Variants in ADGRB3 observed in about 807,000 individuals in gnomAD.
ADGRB3 encodes the protein adhesion G protein-coupled receptor B3, also known as brain-specific angiogenesis inhibitor 3.
Under a neutral mutation model 193.4 loss-of-function variants are expected in ADGRB3, and 37 were observed. The observed-to-expected ratio is 0.19, with a 90% CI of 0.15 to 0.25. The LOEUF is 0.25. Ranked by LOEUF, ADGRB3 falls within the 10% of genes least tolerant of loss-of-function variation. The pLI is 1.00. For synonymous variants in ADGRB3, 690 were observed against 644.2 expected (o/e 1.07, Z -1.08); for missense variants, 1,637 against 1,852.9 (o/e 0.88, Z 2.14).
chr6:68,940,498 A>G (rs1203420494), intron 5 of ADGRB3, among the ~76,000 whole-genome samples: 1 of 139,476 alleles, frequency 7.2e-6, no homozygotes, highest in Non-Finnish European at 1.5e-5. Context: ...CTCTTTATGT[A>G]CTTTAATCCT....
intron 3 of ADGRB3, among the ~76,000 whole-genome samples, chr6:68,787,139 C>A (rs1766992364): frequency 1.3e-5 from 2 of 152,096 alleles, no homozygotes; most frequent in South Asian, 4.2e-4. Context: ...ATTGAATACC[C>A]TTTATTTCCT....
At chr6:68,785,320 C>T (rs1766943232) in intron 3 of ADGRB3, among the ~76,000 whole-genome samples, 1 of 118,768 alleles carries the variant, frequency 8.4e-6, no homozygotes, top group South Asian at 3.4e-4. Context: ...CCCCACCCCA[C>T]AACAGTCCCT....
chr6:69,008,785 C>T (rs1769847703), intron 11 of ADGRB3, among the ~76,000 whole-genome samples: 1 of 152,100 alleles, frequency 6.6e-6, no homozygotes, highest in African/African-American at 2.4e-5. Context: ...CCTACAACTT[C>T]TCAAAAGTAT....
At chr6:69,057,531 G>GTTTTA (rs145741440) in intron 15 of ADGRB3, among the ~76,000 whole-genome samples, 1 of 149,442 alleles carries the variant, frequency 6.7e-6, no homozygotes, top group African/African-American at 2.4e-5. Flanking sequence ...GTTTTGTTTT[G>GTTTTA]TTTGTTTTAC....
intron 20 of ADGRB3, among the ~76,000 whole-genome samples, chr6:69,267,185 C>G (rs938382889): frequency 1.2e-4 from 18 of 152,124 alleles, no homozygotes; most frequent in African/African-American, 4.3e-4. Flanking sequence ...TCACATTTCC[C>G]CCTTTTGATC....
intron 3 of ADGRB3, among the ~76,000 whole-genome samples, chr6:68,791,076 C>G (rs1318662669): frequency 6.7e-6 from 1 of 149,554 alleles, no homozygotes; most frequent in African/African-American, 2.5e-5. Context: ...AGTCTTGTAT[C>G]TTTAAGTGAC....
chr6:69,161,806 T>C (rs1182534697), intron 17 of ADGRB3, among the ~76,000 whole-genome samples: 1 of 152,104 alleles, frequency 6.6e-6, no homozygotes, highest in East Asian at 1.9e-4. Flanking sequence ...AGTTATTTAC[T>C]GGCTGTTAAC....
At chr6:69,215,657 C>T (rs977398340) in intron 17 of ADGRB3, among the ~76,000 whole-genome samples, 1 of 151,996 alleles carries the variant, frequency 6.6e-6, no homozygotes, top group Non-Finnish European at 1.5e-5. Context: ...CCACAATTCT[C>T]ATTAGAGACA....
intron 15 of ADGRB3, among the ~76,000 whole-genome samples, chr6:69,052,267 T>A (rs528998752): frequency 3.7e-4 from 57 of 152,350 alleles, no homozygotes; most frequent in Non-Finnish European, 7.9e-4. Flanking sequence ...GTTTGTACTA[T>A]GAAAATATTT....
At chr6:68,974,464 C>T (rs1582363014) in intron 8 of ADGRB3, among the ~76,000 whole-genome samples, 2 of 151,922 alleles carry the variant, frequency 1.3e-5, no homozygotes, top group Admixed American at 6.6e-5. Flanking sequence ...CCTTTCTCTA[C>T]GTAGAATTAA....
intron 10 of ADGRB3, among the ~76,000 whole-genome samples, chr6:68,987,319 A>G (rs2150271842): frequency 6.6e-6 from 1 of 152,254 alleles, no homozygotes; most frequent in South Asian, 2.1e-4. Flanking sequence ...ACTACCTACA[A>G]AATCTTCTAT....
chr6:68,898,016 A>G (rs1766288881), intron 3 of ADGRB3, among the ~76,000 whole-genome samples: 1 of 148,134 alleles, frequency 6.8e-6, no homozygotes, highest in Non-Finnish European at 1.5e-5. Context: ...GTATATATAT[A>G]GAGAGAGAGG....
intron 3 of ADGRB3, among the ~76,000 whole-genome samples, chr6:68,694,793 C>T (rs887580021): frequency 3.9e-5 from 6 of 152,082 alleles, no homozygotes; most frequent in African/African-American, 1.2e-4. Context: ...CCACTATCTT[C>T]TTGCTCCCTA....
intron 17 of ADGRB3, among the ~76,000 whole-genome samples, chr6:69,138,767 C>T (rs985900441): frequency 6.6e-5 from 10 of 152,210 alleles, no homozygotes; most frequent in South Asian, 2.1e-4. Context: ...CATTGTAACG[C>T]TGCCGTTGAT....
intron 17 of ADGRB3, among the ~76,000 whole-genome samples, chr6:69,080,390 G>A (rs558514517): frequency 1.3e-5 from 2 of 152,038 alleles, no homozygotes; most frequent in African/African-American, 4.8e-5. Flanking sequence ...AAATGATAAA[G>A]CTCTTTTATA....
chr6:68,873,284 TG>T (rs147920662), intron 3 of ADGRB3, among the ~76,000 whole-genome samples: 20,356 of 152,096 alleles, frequency 0.13, 1,811 homozygotes, highest in Non-Finnish European at 0.2. Flanking sequence ...GCAAAAGCAA[TG>T]GATGACACTC....
chr6:69,141,085 A>G (rs901754767), intron 17 of ADGRB3, among the ~76,000 whole-genome samples: 2 of 145,788 alleles, frequency 1.4e-5, no homozygotes, highest in Admixed American at 1.4e-4. Flanking sequence ...AAGAAAGAAG[A>G]CAGGAAGTCA....
In ADGRB3 at chr6:69,330,640, G is replaced by C. The variant is rs527650019; in HGVS notation, c.3102+68G>C. 3.0e-6 allele frequency: 4 copies of C among 1,346,004 alleles called. No homozygotes were observed. The African/African-American group carries it at 4.4e-5, about 15-fold the overall frequency. 83.4% of individuals were successfully genotyped at this position (1,346,004 alleles called of 1,614,324 possible). On this transcript the variant is annotated intron_variant, in intron 23 of 31. Coordinates refer to ENST00000370598, the MANE Select transcript of ADGRB3 (RefSeq NM_001704.3). The stretch of plus-strand genomic sequence containing the variant: ...AAAAAAGACTACTTTCTTTCAATTA[G>C]AGTGGCAATTTTGATAATGTAGTTC...
intron 17 of ADGRB3, among the ~76,000 whole-genome samples, chr6:69,107,431 T>C (rs1474802767): frequency 6.6e-6 from 1 of 152,196 alleles, no homozygotes; most frequent in African/African-American, 2.4e-5. Flanking sequence ...TATGTGCAAA[T>C]ATTATGCAAG....
Sources: gnomAD v4.1 joint callset for allele counts (sites outside exome capture counted in the v4.1 genomes callset) on GRCh38, gnomAD v4.1.1 for gene constraint, MANE v1.5 for transcripts, NCBI Gene and HGNC (gene_info 2026-07-23, HGNC 2026-07-21) for gene names.